LIMD2: variants seen among roughly 807,000 people sequenced by gnomAD.
The protein encoded by LIMD2 is LIM domain-containing protein 2.
In LIMD2, 11 loss-of-function variants were observed where a neutral mutation model predicts 16.0. The ratio of observed to expected loss-of-function variants is 0.69; its 90% CI spans 0.43 to 1.14. The LOEUF is 1.14. LIMD2 is among the 50% of genes most tolerant of loss of function. The probability of loss-of-function intolerance (pLI) is 0.00; values close to 1 mark genes in which losing one functional copy is unlikely to be tolerated. For synonymous variants in LIMD2, 60 were observed against 67.1 expected, an observed-to-expected ratio of 0.89 and a Z score of 0.52; for missense variants, 168 against 165.8, an observed-to-expected ratio of 1.01 and a Z score of -0.07.
chr17:63,699,904 G>C (rs2035759815), intron 1 of LIMD2, 128 bp downstream of exon 1: 1 of 984,166 alleles, frequency 1.0e-6, no homozygotes, highest in Admixed American at 6.2e-5. Context: ...GAGGACTCGA[G>C]CCTGTGCGCC....
intron 1 of LIMD2, 51 bp downstream of exon 1, chr17:63,699,981 G>A: frequency 4.1e-6 from 4 of 983,846 alleles, no homozygotes; most frequent in Non-Finnish European, 4.8e-6. Context: ...ACCCCTCGGC[G>A]CCTCTCCCGG....
At position 63,699,301 on chromosome 17, in the gene LIMD2, C is replaced by A. The variant is rs753130307; in HGVS notation, c.-3G>T. 6 of 1,606,290 alleles carry A rather than the reference C, an allele frequency of 3.7e-6. No homozygotes were observed. In the East Asian group the frequency reaches 1.3e-4, roughly 36 times the overall value. Reference sequence around the variant, plus strand: ...GCGGCTCCTGCAGCCTGGAACATGGCTCGTTGGAGGTGGAAGCCTCGGGTG... The same window carrying A: ...GCGGCTCCTGCAGCCTGGAACATGGATCGTTGGAGGTGGAAGCCTCGGGTG... On this transcript the variant is annotated 5_prime_UTR_variant, in exon 2 of 5. Coordinates refer to ENST00000259006, the MANE Select transcript of LIMD2 (RefSeq NM_030576.4).
In LIMD2 at chr17:63,700,087, G is replaced by A; in HGVS notation, c.-106C>T. The A allele has an allele frequency of 1.0e-6, 1 of 984,892 alleles. No homozygotes were observed. The highest frequency in any genetic ancestry group is 1.2e-6 in the Non-Finnish European group (1 of 829,478). 61.0% of individuals were successfully genotyped at this position (984,892 alleles called of 1,614,324 possible). On this transcript the variant is annotated 5_prime_UTR_variant, in exon 1 of 5. Coordinates refer to ENST00000259006, the MANE Select transcript of LIMD2 (RefSeq NM_030576.4). This position sits in a 1 kb window ranked among gnomAD's most constrained non-coding sequence, Gnocchi z 7.1. ...GGTCTCCGGGGGCGCACGGGTACGA[G>A]GAGGGCGCGGGCGCGAGCTGCTGCC...
In LIMD2 at chr17:63,699,055, G is replaced by A. The variant is rs192964077; in HGVS notation, c.57C>T (p.Gly19=). ...TGGAGCGCTGCACCGTGCTGCTGCC[G>A]CCGCCTTTGGCGTCCTGAGGGAGAG... is the stretch of plus-strand genomic sequence containing the variant. The part of the protein sequence containing the change: ...QATPSHDAKG[G]GSSTVQRSKS... The change falls in exon 3 of 5, where the codon GGC becomes GGT. Residue 19 remains glycine, a synonymous_variant. Coordinates refer to ENST00000259006, the MANE Select transcript of LIMD2 (RefSeq NM_030576.4). 6.2e-7 allele frequency: 1 copy of A among 1,606,174 alleles called. No individual in the cohort carries two copies. Among genetic ancestry groups the A allele is most frequent in the Non-Finnish European group, 8.5e-7 (1 of 1,177,280 alleles).
rs941812773 is a variant in LIMD2 at position 63,696,821 on chromosome 17, T to G, written c.*1731A>C. 1 of 147,346 alleles carries G rather than the reference T, an allele frequency of 6.8e-6. No individual in the cohort carries two copies. The highest frequency in any genetic ancestry group is 1.5e-5 in the Non-Finnish European group (1 of 66,582). The allele number at this position is 147,346 out of a possible 1,614,324, so 9.1% of individuals were successfully genotyped here. A position where few individuals can be genotyped will look rare whatever the true frequency, so the allele number is the denominator to read the frequency against. ...CCCTGAGAGGCTCTGAGGCGCTCAC[T>G]TCACACTTGGGAGGATCCAGGCCGG... On this transcript the variant is annotated 3_prime_UTR_variant, in exon 5 of 5. Transcript: ENST00000259006.
chr17:63,696,907 A>G lies in LIMD2; in HGVS notation c.*1645T>C, dbSNP rs1470740413. The G allele has an allele frequency of 1.3e-5, 2 of 152,188 alleles. No homozygotes were observed. The highest frequency in any genetic ancestry group is 4.8e-5 in the African/African-American group (2 of 41,408). 9.4% of individuals were successfully genotyped at this position (152,188 alleles called of 1,614,324 possible). On this transcript the variant is annotated 3_prime_UTR_variant, in exon 5 of 5. Coordinates refer to ENST00000259006, the MANE Select transcript of LIMD2 (RefSeq NM_030576.4). ...CGAGGAGCAGTGCCTGCCTCAGCAT[A>G]GTGACTTATGTGACACTGGAGCCTG... is the stretch of plus-strand genomic sequence containing the variant.
chr17:63,698,839 T>G lies in LIMD2; in HGVS notation c.184A>C (p.Asn62His). The change falls in exon 4 of 5, where the codon AAC (asparagine) becomes CAC (histidine). Residue 62 changes from asparagine to histidine, a missense_variant. Coordinates refer to ENST00000259006, the MANE Select transcript of LIMD2 (RefSeq NM_030576.4). ...RLVADKLIFH[N>H]SCFCCKHCHT... The stretch of plus-strand genomic sequence containing the variant: ...CAGTGCTTGCAGCAGAAGCAAGAGT[T>G]GTGGAAAATGAGCTTGTCGGCCACC... 6.2e-7 allele frequency: 1 copy of G among 1,611,288 alleles called. No homozygotes were observed. Among genetic ancestry groups the G allele is most frequent in the Non-Finnish European group, 8.5e-7 (1 of 1,179,418 alleles).
chr17:63,698,371 G>T lies in LIMD2; in HGVS notation c.*181C>A. The T allele has an allele frequency of 1.4e-6, 1 of 736,112 alleles. No homozygotes were observed. The highest frequency in any genetic ancestry group is 2.2e-6 in the Non-Finnish European group (1 of 461,906). The allele number at this position is 736,112 out of a possible 1,614,324, so 45.6% of individuals were successfully genotyped here. ...CAATCCTGGTTTCCAAACCCTCACCGGCTGCGGGAGAAGGAAGAAGGAAGG... is the reference window on the plus strand; with the variant it reads ...CAATCCTGGTTTCCAAACCCTCACCTGCTGCGGGAGAAGGAAGAAGGAAGG... On this transcript the variant is annotated 3_prime_UTR_variant, in exon 5 of 5. Transcript: ENST00000259006.
intron 1 of LIMD2, chr17:63,699,590 G>C: frequency 2.6e-6 from 1 of 385,604 alleles, no homozygotes; most frequent in South Asian, 4.3e-5. Flanking sequence ...GGAGGGGCCG[G>C]GGGCTCCCGC....
rs549058622 is a variant in LIMD2, at chr17:63,700,020, C to G, written c.-51+12G>C. 45 of 984,256 alleles carry G rather than the reference C, an allele frequency of 4.6e-5. No individual in the cohort carries two copies. In the South Asian group the frequency reaches 1.9e-3, roughly 42 times the overall value. 61.0% of individuals were successfully genotyped at this position (984,256 alleles called of 1,614,324 possible). A position where few individuals can be genotyped will look rare whatever the true frequency, so the allele number is the denominator to read the frequency against. ...CGGAGCCGGACGCGGCCCCTCCCCC[C>G]GCGGCTCTCACCAGGCCCGGCCTGG... On this transcript the variant is annotated intron_variant, in intron 1 of 4. Transcript: ENST00000259006. The surrounding 1 kb of genome is among the most constrained non-coding windows in gnomAD (Gnocchi z 7.1).
chr17:63,700,055 C>A lies in LIMD2; in HGVS notation c.-74G>T, dbSNP rs982024041. On this transcript the variant is annotated 5_prime_UTR_variant, in exon 1 of 5. Coordinates refer to ENST00000259006, the MANE Select transcript of LIMD2 (RefSeq NM_030576.4). This position sits in a 1 kb window ranked among gnomAD's most constrained non-coding sequence, Gnocchi z 7.1. ...ACCAGGCCCGGCCTGGGCCGCGGGGCGGGATCGGTCTCCGGGGGCGCACGG... is the reference window on the plus strand; with the variant it reads ...ACCAGGCCCGGCCTGGGCCGCGGGGAGGGATCGGTCTCCGGGGGCGCACGG... The A allele has an allele frequency of 2.0e-6, 2 of 984,050 alleles. No individual in the cohort carries two copies. Among genetic ancestry groups the A allele is most frequent in the African/African-American group, 3.5e-5 (2 of 57,012 alleles). 61.0% of individuals were successfully genotyped at this position (984,050 alleles called of 1,614,324 possible). A position where few individuals can be genotyped will look rare whatever the true frequency, so the allele number is the denominator to read the frequency against.
intron 2 of LIMD2, 57 bp downstream of exon 2, chr17:63,699,200 C>T: frequency 1.9e-6 from 3 of 1,602,922 alleles, no homozygotes; most frequent in Non-Finnish European, 1.7e-6. Context: ...TGCCTCTCCC[C>T]TTCACCCCAG....
At chr17:63,700,301 C>T, upstream of LIMD2, 1 of 367,392 alleles carries the variant, frequency 2.7e-6, no homozygotes, top group Non-Finnish European at 3.8e-6. This position sits in a 1 kb window ranked among gnomAD's most constrained non-coding sequence, Gnocchi z 7.1. Context: ...TTGTCTGTCC[C>T]CCGCCCCGGC....
upstream of LIMD2, chr17:63,700,320 C>A: frequency 3.4e-6 from 1 of 290,754 alleles, no homozygotes; most frequent in South Asian, 1.2e-4. This position sits in a 1 kb window ranked among gnomAD's most constrained non-coding sequence, Gnocchi z 7.1. Flanking sequence ...GCTCCGCGCT[C>A]CCGGCTCCGC....
Position 63,696,741 on chromosome 17 carries a change from A to ACTT in LIMD2, c.*1810_*1811insAAG, listed in dbSNP as rs919501228. On this transcript the variant is annotated 3_prime_UTR_variant, in exon 5 of 5. Transcript: ENST00000259006. ...TGTGGTCATCTGCTACTGTTGCTTAACCGAACCAAGATGATCCTTGCCATC... is the reference window on the plus strand; with the variant it reads ...TGTGGTCATCTGCTACTGTTGCTTAACTTCCGAACCAAGATGATCCTTGCCATC... 4 of 152,218 alleles carry ACTT rather than the reference A, an allele frequency of 2.6e-5. No homozygotes were observed. The highest frequency in any genetic ancestry group is 7.2e-5 in the African/African-American group (3 of 41,448). 9.4% of individuals were successfully genotyped at this position (152,218 alleles called of 1,614,324 possible).
At position 63,696,799 on chromosome 17, in the gene LIMD2, T is replaced by A. The variant is rs1267391358; in HGVS notation, c.*1753A>T. ...TCTGGTGCAGGAAGTTGGCCTGCCC[T>A]GAGAGGCTCTGAGGCGCTCACTTCA... On this transcript the variant is annotated 3_prime_UTR_variant, in exon 5 of 5. Transcript: ENST00000259006. 6.6e-6 allele frequency: 1 copy of A among 152,114 alleles called. No homozygotes were observed. Among genetic ancestry groups the A allele is most frequent in the Non-Finnish European group, 1.5e-5 (1 of 68,060 alleles). 9.4% of individuals were successfully genotyped at this position (152,114 alleles called of 1,614,324 possible).
At chr17:63,699,616 G>T (rs906521571) in intron 1 of LIMD2, 11 of 332,614 alleles carry the variant, frequency 3.3e-5, no homozygotes, top group Non-Finnish European at 2.1e-5. Context: ...CGCCGTGTGC[G>T]TCCCGCGGGC....
In LIMD2 at chr17:63,699,704, C is replaced by T. The variant is rs1181568495; in HGVS notation, c.-51+328G>A. 9 of 448,350 alleles carry T rather than the reference C, an allele frequency of 2.0e-5. No homozygotes were observed. The Admixed American group carries it at 3.8e-4, about 19-fold the overall frequency. The allele number at this position is 448,350 out of a possible 1,614,324, so 27.8% of individuals were successfully genotyped here. A position where few individuals can be genotyped will look rare whatever the true frequency, so the allele number is the denominator to read the frequency against. On this transcript the variant is annotated intron_variant, in intron 1 of 4. Coordinates refer to ENST00000259006, the MANE Select transcript of LIMD2 (RefSeq NM_030576.4). ...GCCGCTGCCCCGACCTGACCCCGGCCCTCGCTGCCCTGCGCCGCGCCCGGG... is the reference window on the plus strand; with the variant it reads ...GCCGCTGCCCCGACCTGACCCCGGCTCTCGCTGCCCTGCGCCGCGCCCGGG...
intron 3 of LIMD2, 28 bp from the exon 4 acceptor site, chr17:63,698,966 C>T (rs1689182726): frequency 1.2e-6 from 2 of 1,611,826 alleles, no homozygotes; most frequent in Admixed American, 1.7e-5. Flanking sequence ...CCAGGTGCTG[C>T]CCCAGTGCTC....
Sources: gnomAD v4.1 joint callset for allele counts on GRCh38, gnomAD v4.1.1 for gene constraint, Gnocchi (gnomAD v3.1) non-coding constraint, MANE v1.5 for transcripts, NCBI Gene and HGNC (gene_info 2026-07-23, HGNC 2026-07-21) for gene names.